RBFOX1: variants seen among roughly 807,000 people sequenced by gnomAD.
RBFOX1 encodes the protein RNA binding fox-1 homolog 1, also known as RNA binding protein fox-1 homolog 1.
Under a neutral mutation model 57.7 loss-of-function variants are expected in RBFOX1, and 8 were observed. The ratio of observed to expected loss-of-function variants is 0.14; its 90% CI spans 0.08 to 0.25. The LOEUF is 0.25. RBFOX1 is among the 10% of genes least tolerant of loss of function. The pLI is 1.00. For synonymous variants in RBFOX1, 326 were observed against 222.4 expected, an observed-to-expected ratio of 1.47 and a Z score of -4.15; for missense variants, 611 against 548.5, an observed-to-expected ratio of 1.11 and a Z score of -1.14.
At chr16:5,752,663 C>G (rs1466264633) in intron 3 of RBFOX1, among the ~76,000 whole-genome samples, 1 of 152,094 alleles carries the variant, frequency 6.6e-6, no homozygotes, top group Admixed American at 6.6e-5. Flanking sequence ...GATGGTAACT[C>G]TTTGAATGAC....
At chr16:5,943,511 C>G (rs2059324265) in intron 4 of RBFOX1, among the ~76,000 whole-genome samples, 1 of 152,146 alleles carries the variant, frequency 6.6e-6, no homozygotes, top group African/African-American at 2.4e-5. Flanking sequence ...TCAGGGCATC[C>G]TATGCCAGAA....
At chr16:5,810,721 G>A (rs1167833469) in intron 3 of RBFOX1, among the ~76,000 whole-genome samples, 1 of 152,130 alleles carries the variant, frequency 6.6e-6, no homozygotes, top group Non-Finnish European at 1.5e-5. Context: ...ATCCCATTTG[G>A]GACTAAGACC....
chr16:7,668,274 T>C (rs9939952), intron 13 of RBFOX1, among the ~76,000 whole-genome samples: 51,811 of 152,054 alleles, frequency 0.34, 9,338 homozygotes, highest in Admixed American at 0.42. Flanking sequence ...TTGAAAGACC[T>C]GCGTGATCCC....
At chr16:7,366,071 C>T (rs1463760222) in intron 4 of RBFOX1, among the ~76,000 whole-genome samples, 1 of 152,172 alleles carries the variant, frequency 6.6e-6, no homozygotes, top group Non-Finnish European at 1.5e-5. Context: ...CAGGGCTCAT[C>T]ACTGAGCCAA....
chr16:5,289,686 C>T (rs1373968456), intron 1 of RBFOX1, among the ~76,000 whole-genome samples: 4 of 152,118 alleles, frequency 2.6e-5, no homozygotes, highest in Non-Finnish European at 5.9e-5. Context: ...AGTTATGAGC[C>T]TTAAGTTGAG....
chr16:5,707,505 C>T (rs1209358257), intron 3 of RBFOX1, among the ~76,000 whole-genome samples: 2 of 152,164 alleles, frequency 1.3e-5, no homozygotes, highest in Non-Finnish European at 2.9e-5. Context: ...GGATAGCTAA[C>T]ACCTATGTCT....
chr16:5,978,666 G>GT (rs921389592), intron 4 of RBFOX1, among the ~76,000 whole-genome samples: 8 of 140,436 alleles, frequency 5.7e-5, no homozygotes, highest in Admixed American at 7.1e-5. Context: ...TGTTTTTTTT[G>GT]TTTTTTTGTT....
chr16:6,893,945 C>T (rs1297190885), intron 3 of RBFOX1, among the ~76,000 whole-genome samples: 2 of 152,132 alleles, frequency 1.3e-5, no homozygotes, highest in African/African-American at 2.4e-5. Flanking sequence ...ATAGAGAGAA[C>T]ATGATAATTA....
intron 4 of RBFOX1, among the ~76,000 whole-genome samples, chr16:7,374,543 C>G (rs1335352989): frequency 1.3e-5 from 2 of 152,126 alleles, no homozygotes; most frequent in Non-Finnish European, 2.9e-5. Flanking sequence ...ATCTACCTGG[C>G]TCTTAGCAAT....
intron 5 of RBFOX1, among the ~76,000 whole-genome samples, chr16:7,535,054 G>A (rs1240030969): frequency 6.6e-6 from 1 of 152,134 alleles, no homozygotes; most frequent in Non-Finnish European, 1.5e-5. Context: ...TATAATAGGA[G>A]CATAACTAAC....
At chr16:7,100,890 A>C (rs983860211) in intron 4 of RBFOX1, among the ~76,000 whole-genome samples, 4 of 152,224 alleles carry the variant, frequency 2.6e-5, no homozygotes, top group Middle Eastern at 3.2e-3. Context: ...TTAAACTGCT[A>C]AACATTTTTA....
chr16:6,792,610 A>G (rs757202244), intron 3 of RBFOX1, among the ~76,000 whole-genome samples: 4 of 152,216 alleles, frequency 2.6e-5, no homozygotes, highest in Non-Finnish European at 4.4e-5. Context: ...CAGGGTTGCA[A>G]AAAGCCTTCA....
At chr16:7,454,469 G>A (rs1598815018) in intron 4 of RBFOX1, among the ~76,000 whole-genome samples, 1 of 152,184 alleles carries the variant, frequency 6.6e-6, no homozygotes, top group East Asian at 1.9e-4. Flanking sequence ...TCCATCATAT[G>A]TGTGTTATAG....
intron 3 of RBFOX1, among the ~76,000 whole-genome samples, chr16:5,774,086 A>G (rs1033170688): frequency 2.0e-5 from 3 of 152,180 alleles, no homozygotes; most frequent in Non-Finnish European, 4.4e-5. Flanking sequence ...TCTGCTTTAT[A>G]TGTAGTTTCA....
At chr16:7,099,307 G>A (rs377101805) in intron 4 of RBFOX1, among the ~76,000 whole-genome samples, 77 of 152,182 alleles carry the variant, frequency 5.1e-4, no homozygotes, top group Middle Eastern at 6.8e-3. Flanking sequence ...AAGGAATTTC[G>A]TAATTCCTGG....
intron 3 of RBFOX1, among the ~76,000 whole-genome samples, chr16:5,677,876 G>C (rs983868323): frequency 6.6e-6 from 1 of 152,198 alleles, no homozygotes; most frequent in Non-Finnish European, 1.5e-5. Context: ...GGTGCAAAGA[G>C]AGATGAAGTG....
At chr16:6,952,260 C>G (rs972370608) in intron 3 of RBFOX1, among the ~76,000 whole-genome samples, 5 of 152,138 alleles carry the variant, frequency 3.3e-5, no homozygotes, top group Admixed American at 2.6e-4. Context: ...CTGTAGATTT[C>G]TGGTTCTAAA....
At chr16:7,332,758 T>G in intron 4 of RBFOX1, 1 of 1,369,198 alleles carries the variant, frequency 7.3e-7, no homozygotes, top group East Asian at 2.8e-5. Context: ...GCACCTTCCA[T>G]TTTGGTAGCT....
At chr16:7,288,201 G>T (rs1297046954) in intron 4 of RBFOX1, among the ~76,000 whole-genome samples, 1 of 152,116 alleles carries the variant, frequency 6.6e-6, no homozygotes, top group East Asian at 1.9e-4. Flanking sequence ...CATAGTTTGT[G>T]ATCCTGTAAT....
Sources: gnomAD v4.1 joint callset for allele counts (sites outside exome capture counted in the v4.1 genomes callset) on GRCh38, gnomAD v4.1.1 for gene constraint, MANE v1.5 for transcripts, NCBI Gene and HGNC (gene_info 2026-07-23, HGNC 2026-07-21) for gene names.